MEIS2: variants seen among roughly 807,000 people sequenced by gnomAD.
The protein encoded by MEIS2 is homeobox protein Meis2.
Under a neutral mutation model 58.6 loss-of-function variants are expected in MEIS2, and 9 were observed. The observed-to-expected ratio is 0.15, with a 90% CI of 0.09 to 0.27. The LOEUF (loss-of-function observed/expected upper bound fraction) is 0.27. MEIS2 is among the 10% of genes least tolerant of loss of function. The pLI, the probability that MEIS2 is intolerant of heterozygous loss-of-function variation, is 1.00. For synonymous variants in MEIS2, 221 were observed against 228.4 expected (o/e 0.97, Z 0.29); for missense variants, 427 against 635.0 (o/e 0.67, Z 3.52).
intron 9 of MEIS2, chr15:36,898,841 G>A (rs541291691): frequency 6.6e-6 from 1 of 152,272 alleles, no homozygotes; most frequent in South Asian, 2.1e-4. Flanking sequence ...ACACAACAAT[G>A]CAGAACATTA....
At chr15:37,081,913 A>G (rs997555691) in intron 7 of MEIS2, among the ~76,000 whole-genome samples, 2 of 152,266 alleles carry the variant, frequency 1.3e-5, no homozygotes, top group Admixed American at 1.3e-4. Context: ...TTTCCTAAAA[A>G]ACAAAACTAA....
At chr15:36,906,349 GA>G (rs1219511204) in intron 9 of MEIS2, among the ~76,000 whole-genome samples, 1 of 152,118 alleles carries the variant, frequency 6.6e-6, no homozygotes, top group African/African-American at 2.4e-5. Flanking sequence ...CCAGGCAGAA[GA>G]GGGAAACAAA....
intron 9 of MEIS2, among the ~76,000 whole-genome samples, chr15:36,909,967 C>G (rs1351577116): frequency 2.6e-5 from 4 of 152,038 alleles, no homozygotes; most frequent in African/African-American, 9.7e-5. Flanking sequence ...CTTTGAGAGG[C>G]CAAGGCAGGA....
At chr15:36,975,200 A>G (rs2059699344) in intron 8 of MEIS2, among the ~76,000 whole-genome samples, 1 of 152,208 alleles carries the variant, frequency 6.6e-6, no homozygotes, top group African/African-American at 2.4e-5. Context: ...GAATAGCTCA[A>G]TAACATTTTT....
intron 8 of MEIS2, among the ~76,000 whole-genome samples, chr15:37,022,368 C>T (rs1427778354): frequency 6.6e-6 from 1 of 152,156 alleles, no homozygotes; most frequent in Non-Finnish European, 1.5e-5. Context: ...TCACAAGTGG[C>T]TGGAACTAAA....
intron 8 of MEIS2, among the ~76,000 whole-genome samples, chr15:36,967,443 T>C (rs1378836549): frequency 6.6e-6 from 1 of 152,162 alleles, no homozygotes; most frequent in Non-Finnish European, 1.5e-5. Flanking sequence ...ATTTTCCTTA[T>C]ACTAAGCTGA....
chr15:37,029,992 C>T (rs528822622), intron 8 of MEIS2, among the ~76,000 whole-genome samples: 8 of 152,104 alleles, frequency 5.3e-5, no homozygotes, highest in East Asian at 1.9e-4. Flanking sequence ...AGCGAGATGC[C>T]GTCTCTACAA....
intron 9 of MEIS2, among the ~76,000 whole-genome samples, chr15:36,946,408 A>G (rs181832217): frequency 1.5e-4 from 22 of 149,136 alleles, no homozygotes; most frequent in Non-Finnish European, 2.8e-4. Flanking sequence ...CCTCCCTGCC[A>G]TCAAAGAACT....
chr15:37,045,819 G>C (rs1231388880), intron 7 of MEIS2, among the ~76,000 whole-genome samples: 1 of 152,130 alleles, frequency 6.6e-6, no homozygotes. Context: ...AAATGCTTTC[G>C]TTTACATGCA....
At chr15:36,976,586 T>C (rs1054396827) in intron 8 of MEIS2, among the ~76,000 whole-genome samples, 1 of 151,650 alleles carries the variant, frequency 6.6e-6, no homozygotes. Flanking sequence ...TGACAGAGAC[T>C]GAAGGCACAG....
chr15:36,916,387 G>A (rs1236329278), intron 9 of MEIS2, among the ~76,000 whole-genome samples: 2 of 148,808 alleles, frequency 1.3e-5, no homozygotes, highest in African/African-American at 5.0e-5. Context: ...AGACCGCACC[G>A]CTGCACTCCA....
intron 8 of MEIS2, among the ~76,000 whole-genome samples, chr15:36,983,935 T>G (rs1417446785): frequency 6.6e-6 from 1 of 152,090 alleles, no homozygotes; most frequent in Admixed American, 6.5e-5. Flanking sequence ...TTTCTTTCTC[T>G]GTTCCTTGTT....
At chr15:36,910,762 T>A (rs2056971436) in intron 9 of MEIS2, among the ~76,000 whole-genome samples, 1 of 152,132 alleles carries the variant, frequency 6.6e-6, no homozygotes. Context: ...CTTTTCTATC[T>A]CTTGCTGGGC....
At chr15:36,908,784 AAAG>A (rs1383007387) in intron 9 of MEIS2, among the ~76,000 whole-genome samples, 1 of 151,980 alleles carries the variant, frequency 6.6e-6, no homozygotes, top group Non-Finnish European at 1.5e-5. Flanking sequence ...AAAATACAAA[AAAG>A]TATTAGCCGG....
At chr15:37,021,798 T>G (rs2061534677) in intron 8 of MEIS2, among the ~76,000 whole-genome samples, 1 of 152,182 alleles carries the variant, frequency 6.6e-6, no homozygotes, top group Non-Finnish European at 1.5e-5. Flanking sequence ...GTCACCTAGA[T>G]CTCCCTACCC....
intron 1 of MEIS2, 29 bp from the exon 2 acceptor site, chr15:37,098,228 C>A: frequency 1.3e-6 from 2 of 1,485,324 alleles, no homozygotes; most frequent in Admixed American, 1.9e-5. Context: ...GGGGAGGGGG[C>A]GCAGGAGGTG....
chr15:36,927,112 G>A (rs932521281), intron 9 of MEIS2, among the ~76,000 whole-genome samples: 2 of 152,256 alleles, frequency 1.3e-5, no homozygotes, highest in African/African-American at 2.4e-5. Context: ...TGAACTGTAG[G>A]TGCTTCCTCT....
intron 9 of MEIS2, among the ~76,000 whole-genome samples, chr15:36,933,074 C>A (rs909290912): frequency 1.3e-5 from 2 of 152,106 alleles, no homozygotes; most frequent in Non-Finnish European, 2.9e-5. Context: ...AATTTTAGAA[C>A]AGACTTTAGG....
chr15:36,950,452 C>T (rs2058715651), intron 8 of MEIS2, 52 bp from the exon 9 acceptor site: 1 of 1,531,640 alleles, frequency 6.5e-7, no homozygotes, highest in East Asian at 2.3e-5. Flanking sequence ...AAGAAAGAGT[C>T]ACTTACTTCT....
Sources: allele counts gnomAD v4.1 joint callset (sites outside exome capture counted in the v4.1 genomes callset), GRCh38; gene constraint gnomAD v4.1.1; transcripts MANE v1.5; gene names NCBI Gene and HGNC (gene_info 2026-07-23, HGNC 2026-07-21).